The following MLLT10 variants were observed in gnomAD, a reference collection of about 807,000 sequenced individuals.
MLLT10 encodes the protein protein AF-10.
In MLLT10, 30 loss-of-function variants were observed where a neutral mutation model predicts 129.1. The observed-to-expected ratio is 0.23, with a 90% CI of 0.17 to 0.32. MLLT10 has a LOEUF of 0.32. MLLT10 is among the 10% of genes least tolerant of loss of function. MLLT10 has a pLI of 1.00. For missense variants in MLLT10, 1,119 were observed against 1,268.3 expected, an observed-to-expected ratio of 0.88 and a Z score of 1.79; for synonymous variants, 490 against 446.4, an observed-to-expected ratio of 1.10 and a Z score of -1.23.
chr10:21,622,009 T>C (rs2045910041), intron 8 of MLLT10, among the ~76,000 whole-genome samples: 3 of 152,168 alleles, frequency 2.0e-5, no homozygotes. Context: ...GCCTTTGCTT[T>C]TCAGAGAAGC....
chr10:21,741,934 T>C lies in MLLT10; in HGVS notation c.3163-5T>C. 6.2e-7 allele frequency: 1 copy of C among 1,610,992 alleles called. No homozygotes were observed. The stretch of plus-strand genomic sequence containing the variant: ...TAACGCATCTGCTCTTTTGTTTACC[T>C]GCAGAGACTTAGTGATAAAACTGGG... On this transcript the variant is annotated splice_polypyrimidine_tract_variant and splice_region_variant and intron_variant, in intron 22 of 22. Transcript: ENST00000307729.
In MLLT10 at chr10:21,709,245, T is replaced by C. The variant is rs57860414; in HGVS notation, c.1700-4527T>C. 9.7e-4 allele frequency among the ~76,000 whole-genome samples: 115 copies of C among 118,110 alleles called. 1 individual carries two copies. Among genetic ancestry groups the C allele is most frequent in the African/African-American group, 3.7e-3 (110 of 29,454 alleles). 77.5% of individuals were successfully genotyped at this position (118,110 alleles called of 152,430 possible). A position where few individuals can be genotyped will look rare whatever the true frequency, so the allele number is the denominator to read the frequency against. ...ATTTTATCTGCTTTTTTTTTTTTTTTTCCTTTTTTTGAGATGGAGTCTTGC... is the reference window on the plus strand; with the variant it reads ...ATTTTATCTGCTTTTTTTTTTTTTTCTCCTTTTTTTGAGATGGAGTCTTGC... On this transcript the variant is annotated intron_variant, in intron 13 of 22. Coordinates refer to ENST00000307729, the MANE Select transcript of MLLT10 (RefSeq NM_001195626.3).
Position 21,576,273 on chromosome 10 carries a change from C to T in MLLT10, c.241-10021C>T, listed in dbSNP as rs368378301. Among the ~76,000 whole-genome samples the T allele has an allele frequency of 8.1e-5, 11 of 135,388 alleles. No individual in the cohort carries two copies. In the East Asian group the frequency reaches 9.0e-4, roughly 11 times the overall value. The allele number at this position is 135,388 out of a possible 152,430, so 88.8% of individuals were successfully genotyped here. A position where few individuals can be genotyped will look rare whatever the true frequency, so the allele number is the denominator to read the frequency against. ...TTTTTTTTTTTTTGAGATGGAGTCTCGCTCTGTCGCCCAGGCTGGAGTGCA... is the reference window on the plus strand; with the variant it reads ...TTTTTTTTTTTTTGAGATGGAGTCTTGCTCTGTCGCCCAGGCTGGAGTGCA... On this transcript the variant is annotated intron_variant, in intron 3 of 22. Coordinates refer to ENST00000307729, the MANE Select transcript of MLLT10 (RefSeq NM_001195626.3).
chr10:21,615,459 AAAAAAAAAAAAAAAAG>A (rs1284422224), intron 7 of MLLT10, among the ~76,000 whole-genome samples: 3 of 119,724 alleles, frequency 2.5e-5, no homozygotes, highest in Non-Finnish European at 1.9e-5. Context: ...CTCCGTCTCA[AAAAAAAAAAAAAAAAG>A]AAAAAAAAAA....
intron 8 of MLLT10, among the ~76,000 whole-genome samples, chr10:21,627,472 A>G (rs2046571337): frequency 6.6e-6 from 1 of 152,204 alleles, no homozygotes; most frequent in Non-Finnish European, 1.5e-5. Context: ...CCAGGATCCA[A>G]TCCAAGATCA....
rs773734642 is a variant in MLLT10 at position 21,534,816 on chromosome 10, A to G, written c.160+12A>G. On this transcript the variant is annotated intron_variant, in intron 2 of 22. Transcript: ENST00000307729. ...CGCGGTGCATCAAGGTAAACACCCA[A>G]CCGCCCGCCGGGGCGCGCCGGCCTG... 2.4e-5 allele frequency: 38 copies of G among 1,570,012 alleles called. No homozygotes were observed. In the Middle Eastern group the frequency reaches 5.8e-4, roughly 24 times the overall value.
chr10:21,684,012 T>C (rs1489886458), intron 13 of MLLT10, among the ~76,000 whole-genome samples: 1 of 152,046 alleles, frequency 6.6e-6, no homozygotes, highest in East Asian at 1.9e-4. Flanking sequence ...TTCTAACTTT[T>C]TATTTTTTTT....
At chr10:21,694,988 ATCTG>A (rs923058870) in intron 13 of MLLT10, among the ~76,000 whole-genome samples, 3 of 151,750 alleles carry the variant, frequency 2.0e-5, no homozygotes, top group Non-Finnish European at 2.9e-5. Context: ...CACACTTAGA[ATCTG>A]TCTGACTTCG....
At chr10:21,713,634 A>C in intron 13 of MLLT10, 138 bp from the exon 14 acceptor site, 2 of 690,292 alleles carry the variant, frequency 2.9e-6, no homozygotes, top group Admixed American at 3.3e-5. Flanking sequence ...AGTTACTAGC[A>C]CAATATTTTT....
At chr10:21,713,369 C>G (rs2056279934) in intron 13 of MLLT10, among the ~76,000 whole-genome samples, 1 of 152,192 alleles carries the variant, frequency 6.6e-6, no homozygotes, top group Admixed American at 6.5e-5. Context: ...TTCAGACTTC[C>G]TCAGTGATGA....
chr10:21,639,181 T>G (rs951957453), intron 8 of MLLT10, among the ~76,000 whole-genome samples: 3 of 152,250 alleles, frequency 2.0e-5, no homozygotes, highest in African/African-American at 7.2e-5. Flanking sequence ...TCTCCTGCTG[T>G]AATCTCACAA....
intron 1 of MLLT10, 57 bp downstream of exon 1, chr10:21,534,577 G>T: frequency 2.0e-6 from 3 of 1,502,000 alleles, no homozygotes; most frequent in Non-Finnish European, 2.7e-6. Context: ...GGCTCGGGGG[G>T]CTGTGTGGGG....
chr10:21,603,347 G>A (rs2043749218), intron 5 of MLLT10, among the ~76,000 whole-genome samples: 3 of 151,390 alleles, frequency 2.0e-5, no homozygotes, highest in African/African-American at 7.3e-5. Flanking sequence ...GATTACAGAT[G>A]TGAGCCACTG....
chr10:21,572,705 T>A (rs188450217), intron 3 of MLLT10, among the ~76,000 whole-genome samples: 6 of 152,180 alleles, frequency 3.9e-5, no homozygotes, highest in Admixed American at 1.3e-4. Flanking sequence ...CTCCATCTCC[T>A]GGGTTCAGAC....
intron 3 of MLLT10, among the ~76,000 whole-genome samples, chr10:21,554,576 A>G (rs2037610629): frequency 6.7e-6 from 1 of 149,304 alleles, no homozygotes; most frequent in African/African-American, 2.5e-5. Flanking sequence ...GCCTCAGCCT[A>G]CCAGGTAGCT....
At chr10:21,564,226 G>T (rs544878725) in intron 3 of MLLT10, among the ~76,000 whole-genome samples, 2 of 152,122 alleles carry the variant, frequency 1.3e-5, no homozygotes, top group African/African-American at 4.8e-5. Context: ...TGGGACTATG[G>T]GTGTATGCCA....
In MLLT10 at chr10:21,534,282, C is replaced by T. The variant is rs1369380656; in HGVS notation, c.-239C>T. ...AGGAAGCGCAGCCCCCTTCCCCTCCCTCGCTGCCCCTGGCCCAGCGGGAGC... is the reference window on the plus strand; with the variant it reads ...AGGAAGCGCAGCCCCCTTCCCCTCCTTCGCTGCCCCTGGCCCAGCGGGAGC... On this transcript the variant is annotated 5_prime_UTR_variant, in exon 1 of 23. Transcript: ENST00000307729. 4 of 396,066 alleles carry T rather than the reference C, an allele frequency of 1.0e-5. No individual in the cohort carries two copies. Among genetic ancestry groups the T allele is most frequent in the East Asian group, 3.6e-5 (1 of 28,140 alleles). 24.5% of individuals were successfully genotyped at this position (396,066 alleles called of 1,614,324 possible).
At position 21,717,677 on chromosome 10, in the gene MLLT10, TTCCTCC is replaced by T. The variant is rs1218411767; in HGVS notation, c.1878+3745_1878+3750del. On this transcript the variant is annotated intron_variant, in intron 14 of 22. Coordinates refer to ENST00000307729, the MANE Select transcript of MLLT10 (RefSeq NM_001195626.3). ...CTTCCTCCTCCTCTTCCTCCTCCTCTTCCTCCTCCTCCTCCTCCTCCTCTTCCTCCT... is the reference window on the plus strand; with the variant it reads ...CTTCCTCCTCCTCTTCCTCCTCCTCTTCCTCCTCCTCCTCCTCTTCCTCCT... Among the ~76,000 whole-genome samples, 123 of 19,570 alleles carry T rather than the reference TTCCTCC, an allele frequency of 6.3e-3. 2 individuals are homozygous for T. Among genetic ancestry groups the T allele is most frequent in the South Asian group, 0.014 (6 of 426 alleles). The allele number at this position is 19,570 out of a possible 152,430, so 12.8% of individuals were successfully genotyped here. A position where few individuals can be genotyped will look rare whatever the true frequency, so the allele number is the denominator to read the frequency against.
At chr10:21,710,261 G>A (rs1184259922) in intron 13 of MLLT10, among the ~76,000 whole-genome samples, 1 of 152,138 alleles carries the variant, frequency 6.6e-6, no homozygotes, top group African/African-American at 2.4e-5. Flanking sequence ...AGAGTTGTAA[G>A]TAAAATACTT....
Sources: gnomAD v4.1 joint callset for allele counts (sites outside exome capture counted in the v4.1 genomes callset) on GRCh38, gnomAD v4.1.1 for gene constraint, MANE v1.5 for transcripts, NCBI Gene and HGNC (gene_info 2026-07-23, HGNC 2026-07-21) for gene names.